INPP5D: variants seen among roughly 807,000 people sequenced by gnomAD.
The protein encoded by INPP5D is inositol polyphosphate-5-phosphatase D.
In INPP5D, 33 loss-of-function variants were observed where a neutral mutation model predicts 122.9. The ratio of observed to expected loss-of-function variants is 0.27; its 90% confidence interval spans 0.20 to 0.36. INPP5D has a LOEUF of 0.36. Ranked by LOEUF, INPP5D falls within the 10% of genes least tolerant of loss-of-function variation. INPP5D has a pLI of 1.00. For missense variants in INPP5D, 1,053 were observed against 1,412.7 expected (o/e 0.75, Z 4.08); for synonymous variants, 584 against 576.2 (o/e 1.01, Z -0.19).
At position 233,060,607 on chromosome 2, in the gene INPP5D, C is replaced by A; in HGVS notation, c.129C>A (p.Cys43Ter). Residue 43 changes from cysteine (C) to a stop codon, truncating the protein, a stop_gained, in exon 1 of 27, where the codon TGC (cysteine) becomes TGA (stop). Coordinates refer to ENST00000445964, the MANE Select transcript of INPP5D (RefSeq NM_001017915.3). LOFTEE classifies it high-confidence loss of function. Reference sequence around the variant, plus strand: ...CCATCTCCCGGGCATACGCGCTCTGCGTGCTGTGAGTACAACCTGCTCCCT... The same window carrying A: ...CCATCTCCCGGGCATACGCGCTCTGAGTGCTGTGAGTACAACCTGCTCCCT... Reference protein sequence around the residue: ...SESISRAYALCVLYRNCVYTY... With the variant: ...SESISRAYAL 6.2e-7 allele frequency: 1 copy of A among 1,613,938 alleles called. No homozygotes were observed. The highest frequency in any genetic ancestry group is 8.5e-7 in the Non-Finnish European group (1 of 1,179,834).
intron 22 of INPP5D, 126 bp from the exon 23 acceptor site, chr2:233,193,686 A>G (rs1695109189): frequency 6.6e-7 from 1 of 1,516,482 alleles, no homozygotes; most frequent in African/African-American, 1.4e-5. Context: ...TGTTGTTCTG[A>G]CGGATTTATT....
intron 5 of INPP5D, 75 bp downstream of exon 5, chr2:233,130,723 C>CT (rs755756282): frequency 1.4e-5 from 21 of 1,472,256 alleles, no homozygotes; most frequent in Non-Finnish European, 1.9e-5. Context: ...AGAGCGACCT[C>CT]TGCCTCTGCC....
Position 233,206,716 on chromosome 2 carries a change from A to G in INPP5D, c.*8A>G. ...GTTCTTGTCCCACAGTGAAGCCCTC[A>G]GTGAGCTGCCACTGAGTCGGGAGCC... On this transcript the variant is annotated 3_prime_UTR_variant, in exon 27 of 27. Coordinates refer to ENST00000445964, the MANE Select transcript of INPP5D (RefSeq NM_001017915.3). The surrounding 1 kb of genome is among the most constrained non-coding windows in gnomAD (Gnocchi z 4.0). 1.3e-6 allele frequency: 1 copy of G among 771,602 alleles called. No individual in the cohort carries two copies. Among genetic ancestry groups the G allele is most frequent in the Non-Finnish European group, 2.4e-6 (1 of 414,050 alleles). The allele number at this position is 771,602 out of a possible 1,614,324, so 47.8% of individuals were successfully genotyped here. A position where few individuals can be genotyped will look rare whatever the true frequency, so the allele number is the denominator to read the frequency against.
chr2:233,149,577 T>G (rs1220426213), intron 9 of INPP5D, among the ~76,000 whole-genome samples: 4 of 152,110 alleles, frequency 2.6e-5, no homozygotes, highest in East Asian at 1.9e-4. Context: ...TTTAGAGGAA[T>G]GTCAGAGGGT....
intron 2 of INPP5D, among the ~76,000 whole-genome samples, chr2:233,108,579 A>G (rs1692527057): frequency 6.6e-6 from 1 of 152,098 alleles, no homozygotes; most frequent in Non-Finnish European, 1.5e-5. Flanking sequence ...TCTCCCCCCA[A>G]GTGCAGGTCA....
chr2:233,200,823 G>A (rs1559349217), intron 25 of INPP5D, among the ~76,000 whole-genome samples: 1 of 152,018 alleles, frequency 6.6e-6, no homozygotes, highest in African/African-American at 2.4e-5. Flanking sequence ...GCCAGGCGTA[G>A]TGGCCCACAC....
intron 2 of INPP5D, among the ~76,000 whole-genome samples, chr2:233,106,688 G>A (rs1692477630): frequency 6.6e-6 from 1 of 152,208 alleles, no homozygotes; most frequent in South Asian, 2.1e-4. Context: ...GAACTGAAAA[G>A]CTCACTGTGA....
In INPP5D at chr2:233,207,053, T is replaced by C. The variant is rs1695527822; in HGVS notation, c.*345T>C. The C allele has an allele frequency of 9.0e-6, 2 of 221,168 alleles. No homozygotes were observed. The highest frequency in any genetic ancestry group is 1.8e-5 in the Non-Finnish European group (2 of 110,096). 13.7% of individuals were successfully genotyped at this position (221,168 alleles called of 1,614,324 possible). A position where few individuals can be genotyped will look rare whatever the true frequency, so the allele number is the denominator to read the frequency against. ...AGGGTGGAGATATAGATAATAATAA[T>C]ATTAATAATAATAATGGCCACATGG... On this transcript the variant is annotated 3_prime_UTR_variant, in exon 27 of 27. Transcript: ENST00000445964. This position sits in a 1 kb window ranked among gnomAD's most constrained non-coding sequence, Gnocchi z 4.6.
At chr2:233,146,269 C>T (rs945787112) in intron 7 of INPP5D, 27 bp downstream of exon 7, 12 of 704,182 alleles carry the variant, frequency 1.7e-5, no homozygotes, top group Non-Finnish European at 3.1e-5. Context: ...TGCGGCTTCT[C>T]TTGGTCTCCT....
chr2:233,172,083 C>T (rs913390191), intron 17 of INPP5D, among the ~76,000 whole-genome samples: 1 of 152,216 alleles, frequency 6.6e-6, no homozygotes, highest in African/African-American at 2.4e-5. Flanking sequence ...GGAGGAGATC[C>T]CGGACTGCTG....
In INPP5D at chr2:233,170,378, C is replaced by T; in HGVS notation, c.1792-118C>T. Reference sequence around the variant, plus strand: ...CCGGTTCCCATAACTGTCACAGCCACCCTGCCACCATCACTCTGCAGCCCG... The same window carrying T: ...CCGGTTCCCATAACTGTCACAGCCATCCTGCCACCATCACTCTGCAGCCCG... On this transcript the variant is annotated intron_variant, in intron 15 of 26. Coordinates refer to ENST00000445964, the MANE Select transcript of INPP5D (RefSeq NM_001017915.3). This position sits in a 1 kb window ranked among gnomAD's most constrained non-coding sequence, Gnocchi z 4.5. 1 of 1,515,932 alleles carries T rather than the reference C, an allele frequency of 6.6e-7. No homozygotes were observed. Among genetic ancestry groups the T allele is most frequent in the Non-Finnish European group, 8.9e-7 (1 of 1,125,092 alleles). 93.9% of individuals were successfully genotyped at this position (1,515,932 alleles called of 1,614,324 possible).
chr2:233,165,771 T>C (rs72972205), intron 13 of INPP5D, among the ~76,000 whole-genome samples: 10,413 of 151,984 alleles, frequency 0.069, 490 homozygotes, highest in East Asian at 0.19. Context: ...TGTTTGTGAG[T>C]GTGTGTTTAT....
At chr2:233,194,495 T>A (rs1695132470) in intron 23 of INPP5D, among the ~76,000 whole-genome samples, 1 of 9,790 alleles carries the variant, frequency 1.0e-4, no homozygotes, top group African/African-American at 9.0e-4. Flanking sequence ...CTGCTTTTTT[T>A]TTTTTTTTTT....
intron 25 of INPP5D, among the ~76,000 whole-genome samples, chr2:233,200,961 AAAATAAATAAATAAATAAAT>A (rs150813540): frequency 1.2e-4 from 17 of 141,906 alleles, no homozygotes; most frequent in East Asian, 8.1e-4. Context: ...ACTCCATCTC[AAAATAAATAAATAAATAAAT>A]AAATAAATAA....
rs752916258 is a variant in INPP5D, at chr2:233,192,449, G to A, written c.2447-1363G>A. ...TTTCACATTTCCAGCCTCATACATA[G>A]GCATACCTAGATTTTCATACTTACA... On this transcript the variant is annotated intron_variant, in intron 22 of 26. Transcript: ENST00000445964. Among the ~76,000 whole-genome samples, 59 of 151,960 alleles carry A rather than the reference G, an allele frequency of 3.9e-4. 3 individuals are homozygous for A. The highest frequency in any genetic ancestry group is 5.2e-4 in the Admixed American group (8 of 15,270).
intron 2 of INPP5D, among the ~76,000 whole-genome samples, chr2:233,103,256 A>G (rs767679914): frequency 5.3e-5 from 8 of 152,200 alleles, no homozygotes; most frequent in Non-Finnish European, 8.8e-5. Flanking sequence ...ATGACAACCC[A>G]TATAGGTGGG....
chr2:233,121,591 C>T (rs1457209355), intron 2 of INPP5D, among the ~76,000 whole-genome samples: 3 of 151,626 alleles, frequency 2.0e-5, no homozygotes, highest in Non-Finnish European at 4.4e-5. Context: ...TCTCGGCTCA[C>T]TGCAACCTCT....
At chr2:233,144,745 A>G (rs2106277631) in intron 6 of INPP5D, among the ~76,000 whole-genome samples, 2 of 144,584 alleles carry the variant, frequency 1.4e-5, no homozygotes, top group African/African-American at 2.5e-5. Flanking sequence ...GGTGGGAGTG[A>G]TAGGGGTGGA....
chr2:233,098,144 C>T (rs1178162279), intron 2 of INPP5D, among the ~76,000 whole-genome samples: 2 of 152,168 alleles, frequency 1.3e-5, no homozygotes, highest in Non-Finnish European at 2.9e-5. Flanking sequence ...CCACCTGCCT[C>T]AGCCTCCCAA....
Sources: gnomAD v4.1 joint callset for allele counts (sites outside exome capture counted in the v4.1 genomes callset) on GRCh38, gnomAD v4.1.1 for gene constraint, Gnocchi (gnomAD v3.1) non-coding constraint, MANE v1.5 for transcripts, NCBI Gene and HGNC (gene_info 2026-07-23, HGNC 2026-07-21) for gene names.